The following GCA variants were observed in gnomAD, a reference collection of about 807,000 sequenced individuals.
The protein encoded by GCA is grancalcin.
GCA carries 30 observed loss-of-function variants against 32.6 expected under a neutral mutation model. That is an observed-to-expected ratio of 0.92 (90% CI 0.69 to 1.25). The LOEUF is 1.25. Among genes scored for constraint, GCA ranks in the 50% most tolerant of loss-of-function variants. The pLI is 0.00. For missense variants in GCA, 291 were observed against 266.8 expected (o/e 1.09, Z -0.63); for synonymous variants, 102 against 84.6 (o/e 1.21, Z -1.13).
chr2:162,343,683 A>G (rs1684524536), upstream of GCA, among the ~76,000 whole-genome samples: 1 of 152,192 alleles, frequency 6.6e-6, no homozygotes, highest in Non-Finnish European at 1.5e-5. Flanking sequence ...ATGTGACATC[A>G]ACACTACACA....
At chr2:162,319,022 C>A, upstream of GCA, 1 of 391,558 alleles carries the variant, frequency 2.6e-6, no homozygotes, top group South Asian at 1.8e-5. Flanking sequence ...GCCACAGACC[C>A]GGACGTGAAC....
intron 1 of GCA, among the ~76,000 whole-genome samples, chr2:162,321,668 A>G (rs1412753853): frequency 6.6e-6 from 1 of 151,796 alleles, no homozygotes; most frequent in Non-Finnish European, 1.5e-5. Context: ...GCTTTGAAAA[A>G]TCACCTCAAA....
chr2:162,372,250 C>T (rs767990143), downstream of GCA, among the ~76,000 whole-genome samples: 10 of 152,078 alleles, frequency 6.6e-5, no homozygotes, highest in Non-Finnish European at 8.8e-5. Context: ...TGAGTCAGGA[C>T]GTCGGAGATT....
intron 4 of GCA, among the ~76,000 whole-genome samples, chr2:162,368,817 T>A (rs953061383): frequency 6.6e-6 from 1 of 152,100 alleles, no homozygotes. Flanking sequence ...GTTGACTGAG[T>A]GATTATTAAT....
At chr2:162,341,481 A>C (rs1050918165), upstream of GCA, among the ~76,000 whole-genome samples, 4 of 151,966 alleles carry the variant, frequency 2.6e-5, no homozygotes, top group Admixed American at 6.5e-5. Flanking sequence ...TTAATTGAAT[A>C]TCTAAACTTA....
chr2:162,374,348 C>T (rs2105388224), downstream of GCA, among the ~76,000 whole-genome samples: 1 of 152,178 alleles, frequency 6.6e-6, no homozygotes, highest in Non-Finnish European at 1.5e-5. Flanking sequence ...CACAAGTAGC[C>T]AACTGGCCTG....
In GCA at chr2:162,352,376, G is replaced by T; in HGVS notation, c.231G>T (p.Leu77Phe). 6.3e-7 allele frequency: 1 copy of T among 1,594,562 alleles called. No individual in the cohort carries two copies. The highest frequency in any genetic ancestry group is 2.2e-5 in the East Asian group (1 of 44,670). ...ATGCTGAAGAACTTCAGAGATGTTTGACACAGTCTGGAATTAATGGAACTT... is the reference window on the plus strand; with the variant it reads ...ATGCTGAAGAACTTCAGAGATGTTTTACACAGTCTGGAATTAATGGAACTT... The part of the protein sequence containing the change: ...EVDAEELQRC[L>F]TQSGINGTYS... The change falls in exon 3 of 8, where the codon TTG becomes TTT. Residue 77 changes from leucine to phenylalanine, a missense_variant. Coordinates refer to ENST00000437150, the MANE Select transcript of GCA (RefSeq NM_012198.5).
At chr2:162,349,766 A>G in intron 2 of GCA, among the ~76,000 whole-genome samples, 1 of 152,198 alleles carries the variant, frequency 6.6e-6, no homozygotes, top group Non-Finnish European at 1.5e-5. Context: ...AAGGCAAAGA[A>G]ACTGGCAGAA....
rs191579541 is a variant in GCA at position 162,326,266 on chromosome 2, C to T, written c.-31+7041C>T. 3.9e-5 allele frequency among the ~76,000 whole-genome samples: 6 copies of T among 152,300 alleles called. No homozygotes were observed. In the East Asian group the frequency reaches 9.7e-4, roughly 25 times the overall value. On this transcript the variant is annotated intron_variant, in intron 1 of 4. Transcript: ENST00000429691. ...TGTCCTCAAGTCTACAGAAAAGTTC[C>T]AATTGCCAGATGGTATTGAAATGAA...
intron 4 of GCA, among the ~76,000 whole-genome samples, chr2:162,370,123 A>G (rs1404967115): frequency 6.6e-6 from 1 of 152,152 alleles, no homozygotes; most frequent in East Asian, 1.9e-4. Flanking sequence ...AGGTCACTTT[A>G]ATCACATTTT....
chr2:162,347,281 T>A (rs1034100472), intron 1 of GCA, among the ~76,000 whole-genome samples: 1 of 152,222 alleles, frequency 6.6e-6, no homozygotes, highest in Non-Finnish European at 1.5e-5. Context: ...ACTTCAGTGA[T>A]GTTGGTAAAC....
chr2:162,348,753 A>G (rs919446907), intron 2 of GCA, among the ~76,000 whole-genome samples: 3 of 152,134 alleles, frequency 2.0e-5, no homozygotes, highest in South Asian at 4.1e-4. Flanking sequence ...ACCATACCAC[A>G]GTTTATTCTT....
intron 1 of GCA, chr2:162,346,805 A>G (rs1684732955): frequency 6.6e-6 from 1 of 152,228 alleles, no homozygotes; most frequent in Non-Finnish European, 1.5e-5. Flanking sequence ...TTCATGTCCA[A>G]GCCTTTCATG....
intron 1 of GCA, among the ~76,000 whole-genome samples, chr2:162,324,616 C>T (rs1324609249): frequency 6.6e-6 from 1 of 152,152 alleles, no homozygotes; most frequent in South Asian, 2.1e-4. Context: ...TGGCAGGCTA[C>T]GGTGGTCTTG....
intron 1 of GCA, among the ~76,000 whole-genome samples, chr2:162,322,526 T>C (rs914191459): frequency 1.9e-4 from 29 of 150,716 alleles, no homozygotes; most frequent in Middle Eastern, 3.4e-3. Flanking sequence ...CATCTAGCAT[T>C]AGGTATATCT....
intron 1 of GCA, among the ~76,000 whole-genome samples, chr2:162,326,738 A>C (rs913357570): frequency 3.9e-5 from 6 of 152,092 alleles, no homozygotes; most frequent in Non-Finnish European, 8.8e-5. Flanking sequence ...GGCTGGTCTC[A>C]AACTCCTGAC....
chr2:162,359,052 T>C lies in GCA; in HGVS notation c.463T>C (p.Leu155=), dbSNP rs768351170. The C allele has an allele frequency of 1.3e-6, 2 of 1,524,802 alleles. No individual in the cohort carries two copies. The highest frequency in any genetic ancestry group is 1.7e-5 in the Admixed American group (1 of 59,102). 94.5% of individuals were successfully genotyped at this position (1,524,802 alleles called of 1,614,324 possible). A position where few individuals can be genotyped will look rare whatever the true frequency, so the allele number is the denominator to read the frequency against. Residue 155 remains leucine, a synonymous_variant, in exon 6 of 8, where the codon TTG becomes CTG. Coordinates refer to ENST00000437150, the MANE Select transcript of GCA (RefSeq NM_012198.5). ...RQAIGLMGYR[L]SPQTLTTIVK... ...ATTTATCTCTTTTTTAGGTTATAGGTTGAGTCCTCAAACATTAACTACTAT... is the reference window on the plus strand; with the variant it reads ...ATTTATCTCTTTTTTAGGTTATAGGCTGAGTCCTCAAACATTAACTACTAT...
At chr2:162,322,669 G>T in intron 1 of GCA, among the ~76,000 whole-genome samples, 1 of 147,984 alleles carries the variant, frequency 6.8e-6, no homozygotes, top group Non-Finnish European at 1.5e-5. Context: ...TTGGTTTTTT[G>T]TTCTTGCGAT....
At chr2:162,332,327 A>ATATATATATAATATATAATAT (rs1558886438) in intron 1 of GCA, among the ~76,000 whole-genome samples, 3 of 140,860 alleles carry the variant, frequency 2.1e-5, no homozygotes, top group Non-Finnish European at 4.6e-5. Flanking sequence ...AAAAAAATAT[A>ATATATATATAATATATAATAT]TATATATATA....
Sources: allele counts gnomAD v4.1 joint callset (sites outside exome capture counted in the v4.1 genomes callset), GRCh38; gene constraint gnomAD v4.1.1; transcripts MANE v1.5; gene names NCBI Gene and HGNC (gene_info 2026-07-23, HGNC 2026-07-21).